The following MBTPS1 variants were observed in gnomAD, a reference collection of about 807,000 sequenced individuals.
The protein encoded by MBTPS1 is membrane bound transcription factor peptidase, site 1.
A neutral mutation model predicts 127.8 loss-of-function variants in MBTPS1; 94 were observed. The observed-to-expected ratio is 0.74, with a 90% CI of 0.62 to 0.87. The LOEUF (loss-of-function observed/expected upper bound fraction) is 0.87, where lower values mean the gene tolerates loss of function less well. Ranked by LOEUF, MBTPS1 falls within the 40% of genes least tolerant of loss-of-function variation. The pLI, the probability that MBTPS1 is intolerant of heterozygous loss-of-function variation, is 0.00. For synonymous variants in MBTPS1, 632 were observed against 509.4 expected, an observed-to-expected ratio of 1.24 and a Z score of -3.24; for missense variants, 1,636 against 1,353.2, an observed-to-expected ratio of 1.21 and a Z score of -3.28.
At chr16:84,060,930 C>G in intron 19 of MBTPS1, 117 bp from the exon 20 acceptor site, 1 of 935,762 alleles carries the variant, frequency 1.1e-6, no homozygotes, top group Non-Finnish European at 1.6e-6. Flanking sequence ...AGCTCCTGGG[C>G]TCAAGTGATC....
Position 84,068,346 on chromosome 16 carries a change from A to G in MBTPS1, c.2064T>C (p.Ser688=). The change falls in exon 15 of 23, where the codon AGT becomes AGC. Residue 688 remains serine (S), a synonymous_variant. Transcript: ENST00000343411. ...CACAGCAGTGCCACTTACCATACTG[A>G]CTGGCATCAAAACACGTGAAGGGGG... ...LGAPFTCFDA[S]QYGTLLMVDS... The G allele has an allele frequency of 1.9e-6, 3 of 1,608,352 alleles. No homozygotes were observed. The highest frequency in any genetic ancestry group is 1.7e-6 in the Non-Finnish European group (2 of 1,174,772).
intron 1 of MBTPS1, among the ~76,000 whole-genome samples, chr16:84,111,333 C>T (rs778414173): frequency 2.6e-4 from 39 of 151,968 alleles, no homozygotes; most frequent in Admixed American, 1.1e-3. Context: ...TGAGGTCAGG[C>T]GTTCGAGACC....
intron 19 of MBTPS1, among the ~76,000 whole-genome samples, chr16:84,062,887 G>A (rs1318060421): frequency 1.3e-5 from 2 of 152,206 alleles, no homozygotes; most frequent in South Asian, 2.1e-4. Flanking sequence ...CCAAGAGCCA[G>A]CCCTCCAGTA....
chr16:84,061,372 G>C (rs1597303888), intron 19 of MBTPS1: 2 of 152,792 alleles, frequency 1.3e-5, no homozygotes, highest in African/African-American at 4.8e-5. Flanking sequence ...CTGTCCACCA[G>C]GTTGCACCAA....
rs562282702 is a variant in MBTPS1, at chr16:84,112,626, C to T, written c.-325+4109G>A. The stretch of plus-strand genomic sequence containing the variant: ...CCAGGGAGCTGAGATCACGCCACTG[C>T]ACTCCAGCCCGGGCAACAGAGCGAG... On this transcript the variant is annotated intron_variant, in intron 1 of 22. Transcript: ENST00000343411. Among the ~76,000 whole-genome samples the T allele has an allele frequency of 3.4e-5, 5 of 145,964 alleles. No homozygotes were observed. In the East Asian group the frequency reaches 1.0e-3, roughly 31 times the overall value.
chr16:84,113,443 G>T (rs1050293832), intron 1 of MBTPS1, among the ~76,000 whole-genome samples: 2 of 152,162 alleles, frequency 1.3e-5, no homozygotes, highest in African/African-American at 2.4e-5. Flanking sequence ...AACTGAAAAA[G>T]ACACCGTTCA....
In MBTPS1 at chr16:84,067,764, G is replaced by C; in HGVS notation, c.2131C>G (p.Arg711Gly). 6.2e-7 allele frequency: 1 copy of C among 1,613,978 alleles called. No homozygotes were observed. Among genetic ancestry groups the C allele is most frequent in the Non-Finnish European group, 8.5e-7 (1 of 1,179,876 alleles). Residue 711 changes from arginine to glycine, a missense_variant, in exon 16 of 23, where the codon CGG becomes GGG. Physicochemically the swap from Arg to Gly is moderately radical, Grantham distance 125. Coordinates refer to ENST00000343411, the MANE Select transcript of MBTPS1 (RefSeq NM_003791.4). ...GAGAGGCCGTTGTCCACGTCCCTCCGGAGCTTGGCGATCTCTTCAGGGAAG... is the reference window on the plus strand; with the variant it reads ...GAGAGGCCGTTGTCCACGTCCCTCCCGAGCTTGGCGATCTCTTCAGGGAAG... ...EYFPEEIAKL[R>G]RDVDNGLSLV...
At chr16:84,074,966 C>T (rs1034059460) in intron 11 of MBTPS1, 1 of 354,474 alleles carries the variant, frequency 2.8e-6, no homozygotes, top group Middle Eastern at 7.2e-4. Flanking sequence ...TGCAGGGACA[C>T]CTCTGCTTTT....
At chr16:84,093,446 G>C (rs183325731) in intron 5 of MBTPS1, 149 bp from the exon 6 acceptor site, 1 of 659,402 alleles carries the variant, frequency 1.5e-6, no homozygotes, top group Non-Finnish European at 2.7e-6. Context: ...CCCCTTAGAC[G>C]TCACTGGCAC....
At chr16:84,087,972 G>C (rs1030659899) in intron 8 of MBTPS1, among the ~76,000 whole-genome samples, 135 of 152,146 alleles carry the variant, frequency 8.9e-4, no homozygotes, top group Non-Finnish European at 4.4e-5. Context: ...TTGACCTGTG[G>C]TGGTGTTCTA....
chr16:84,055,949 C>G, intron 22 of MBTPS1, 56 bp downstream of exon 22: 1 of 1,578,894 alleles, frequency 6.3e-7, no homozygotes, highest in Admixed American at 1.7e-5. Context: ...GAGGGAGACT[C>G]CTTTGAACAA....
In MBTPS1 at chr16:84,068,387, C is replaced by G. The variant is rs2151146375; in HGVS notation, c.2023G>C (p.Val675Leu). ...YQHLRSMGYF[V>L]EVLGAPFTCF... ...GTGAAGGGGGCCCCGAGGACCTCTA[C>G]AAAGTAGCCCATGCTTCTCAGATGC... Residue 675 changes from valine (V) to leucine (L), a missense_variant, in exon 15 of 23, where the codon GTA becomes CTA. Val to Leu is a conservative substitution (Grantham distance 32). Transcript: ENST00000343411. 1 of 1,614,250 alleles carries G rather than the reference C, an allele frequency of 6.2e-7. No individual in the cohort carries two copies. The highest frequency in any genetic ancestry group is 2.2e-5 in the East Asian group (1 of 44,884).
At chr16:84,064,306 C>T (rs1259690471) in intron 18 of MBTPS1, among the ~76,000 whole-genome samples, 1 of 151,918 alleles carries the variant, frequency 6.6e-6, no homozygotes, top group African/African-American at 2.4e-5. Context: ...AAAAAATAGG[C>T]CATTCTTTGG....
chr16:84,107,542 G>T (rs80139892), intron 1 of MBTPS1, among the ~76,000 whole-genome samples: 4,318 of 152,268 alleles, frequency 0.028, 92 homozygotes, highest in Non-Finnish European at 0.044. Flanking sequence ...AACAGATCCT[G>T]AGGTTTCTAT....
At chr16:84,068,301 C>A in intron 15 of MBTPS1, 38 bp downstream of exon 15, 1 of 1,333,234 alleles carries the variant, frequency 7.5e-7, no homozygotes, top group East Asian at 2.3e-5. Flanking sequence ...CCAAAGTGGG[C>A]GGAAAGACCA....
intron 19 of MBTPS1, among the ~76,000 whole-genome samples, chr16:84,062,813 G>A (rs1270160208): frequency 6.6e-6 from 1 of 152,192 alleles, no homozygotes; most frequent in Admixed American, 6.5e-5. Flanking sequence ...CACGCCTCGA[G>A]ATAACAAACG....
chr16:84,113,793 T>C (rs977476663), intron 1 of MBTPS1, among the ~76,000 whole-genome samples: 1 of 152,206 alleles, frequency 6.6e-6, no homozygotes, highest in East Asian at 1.9e-4. Flanking sequence ...GGAGACTGAA[T>C]TGTGTTTAGA....
rs572479409 is a variant in MBTPS1, at chr16:84,066,496, G to C, written c.2346C>G (p.Asn782Lys). ...GLYEGEFTLANHDMYYASGCS... is the reference protein window; with the variant it reads ...GLYEGEFTLAKHDMYYASGCS... ...CAGGAAACAGAGCCTTACTGTCATG[G>C]TTGGCCAGGGTGAACTCCCCTTCAT... Residue 782 changes from asparagine (N) to lysine (K), a missense_variant, in exon 17 of 23, where the codon AAC (asparagine) becomes AAG (lysine). By Grantham distance (94) the Asn-to-Lys change is moderately conservative. Coordinates refer to ENST00000343411, the MANE Select transcript of MBTPS1 (RefSeq NM_003791.4). 1 of 1,613,842 alleles carries C rather than the reference G, an allele frequency of 6.2e-7. No individual in the cohort carries two copies. The highest frequency in any genetic ancestry group is 1.3e-5 in the African/African-American group (1 of 74,888).
Position 84,101,640 on chromosome 16 carries a change from T to C in MBTPS1, c.144A>G (p.Ser48=). Reference sequence around the variant, plus strand: ...CATTACCATATTCCACAACTGTTGATGAGAATTCCACCTTCAAAGTCAGGT... The same window carrying C: ...CATTACCATATTCCACAACTGTTGACGAGAATTCCACCTTCAAAGTCAGGT... ...CSHLTLKVEF[S]STVVEYEYIV... The change falls in exon 2 of 23, where the codon TCA becomes TCG. Residue 48 remains serine, a synonymous_variant. Coordinates refer to ENST00000343411, the MANE Select transcript of MBTPS1 (RefSeq NM_003791.4). 6.2e-7 allele frequency: 1 copy of C among 1,613,832 alleles called. No homozygotes were observed.
Sources: allele counts gnomAD v4.1 joint callset (sites outside exome capture counted in the v4.1 genomes callset), GRCh38; gene constraint gnomAD v4.1.1; transcripts MANE v1.5; gene names NCBI Gene and HGNC (gene_info 2026-07-23, HGNC 2026-07-21).